Variants in GNAO1 observed in about 807,000 individuals in gnomAD.
GNAO1 encodes guanine nucleotide-binding protein G(o) subunit alpha.
For synonymous variants in GNAO1, 164 were observed against 180.7 expected (o/e 0.91, Z 0.74); for missense variants, 166 against 478.7 (o/e 0.35, Z 6.10).
intron 2 of GNAO1, among the ~76,000 whole-genome samples, chr16:56,244,436 C>A (rs1270655863): frequency 6.6e-6 from 1 of 151,584 alleles, no homozygotes; most frequent in Admixed American, 6.6e-5. Flanking sequence ...TTGCTCTTGG[C>A]TGAAATTACG....
intron 3 of GNAO1, among the ~76,000 whole-genome samples, chr16:56,286,478 T>C (rs565154605): frequency 1.4e-4 from 22 of 152,250 alleles, no homozygotes; most frequent in African/African-American, 5.1e-4. Context: ...CGTCCCTGGC[T>C]TCCCCCATCT....
chr16:56,227,883 A>T (rs540433384), intron 2 of GNAO1, among the ~76,000 whole-genome samples: 1 of 151,920 alleles, frequency 6.6e-6, no homozygotes. Context: ...GTTCAATTTA[A>T]TGGTGTTCTT....
intron 2 of GNAO1, among the ~76,000 whole-genome samples, chr16:56,268,536 A>G (rs116222372): frequency 0.018 from 2,692 of 152,358 alleles, 68 homozygotes; most frequent in African/African-American, 0.055. Context: ...TAGGTTAAAC[A>G]CGAAGTGTCT....
chr16:56,252,485 A>G (rs1280837495), intron 2 of GNAO1, among the ~76,000 whole-genome samples: 1 of 152,250 alleles, frequency 6.6e-6, no homozygotes, highest in African/African-American at 2.4e-5. Flanking sequence ...ACAGAAGCTC[A>G]GTTCTGCCAC....
intron 2 of GNAO1, among the ~76,000 whole-genome samples, chr16:56,212,090 C>G (rs1381593040): frequency 6.7e-6 from 1 of 149,838 alleles, no homozygotes; most frequent in Admixed American, 6.6e-5. Flanking sequence ...CTGAGAAAAA[C>G]CAGGAAGTCC....
chr16:56,267,890 G>A (rs1596831445), intron 2 of GNAO1, among the ~76,000 whole-genome samples: 1 of 135,214 alleles, frequency 7.4e-6, no homozygotes, highest in Non-Finnish European at 1.6e-5. Flanking sequence ...ATATACCCCT[G>A]CCCCCCACCC....
chr16:56,192,788 G>A, intron 2 of GNAO1, 172 bp downstream of exon 2: 5 of 604,048 alleles, frequency 8.3e-6, no homozygotes, highest in South Asian at 7.8e-5. Flanking sequence ...TCCCTACGTT[G>A]GTTCTGGGTC....
At chr16:56,244,367 A>T (rs1441842853) in intron 2 of GNAO1, among the ~76,000 whole-genome samples, 8 of 81,076 alleles carry the variant, frequency 9.9e-5, no homozygotes, top group Non-Finnish European at 1.4e-4. Context: ...CACTTAGCAT[A>T]AAAAAAAAAA....
intron 2 of GNAO1, among the ~76,000 whole-genome samples, chr16:56,225,098 G>T (rs1306766109): frequency 1.3e-5 from 2 of 152,194 alleles, no homozygotes; most frequent in African/African-American, 4.8e-5. Flanking sequence ...ACTTTGCTGT[G>T]CTAGGCTGCC....
intron 2 of GNAO1, among the ~76,000 whole-genome samples, chr16:56,267,291 G>T (rs576311557): frequency 6.6e-6 from 1 of 152,268 alleles, no homozygotes; most frequent in African/African-American, 2.4e-5. Context: ...TTCCCCCATT[G>T]AGTCAGCTTG....
At chr16:56,263,831 C>A (rs567773068) in intron 2 of GNAO1, among the ~76,000 whole-genome samples, 1 of 152,302 alleles carries the variant, frequency 6.6e-6, no homozygotes, top group South Asian at 2.1e-4. Context: ...CTGACCTGTC[C>A]AAGAGGCTGG....
intron 2 of GNAO1, among the ~76,000 whole-genome samples, chr16:56,212,545 AC>A (rs1464884668): frequency 1.3e-5 from 2 of 152,162 alleles, no homozygotes; most frequent in Non-Finnish European, 2.9e-5. Context: ...AAACTAAACG[AC>A]CAGATTTGTC....
intron 2 of GNAO1, among the ~76,000 whole-genome samples, chr16:56,199,993 A>G (rs1458070997): frequency 1.3e-5 from 2 of 152,204 alleles, no homozygotes; most frequent in Non-Finnish European, 2.9e-5. Flanking sequence ...AAGGGAGAAT[A>G]ATACATAAGA....
intron 2 of GNAO1, 65 bp downstream of exon 2, chr16:56,192,681 C>T (rs368535326): frequency 2.1e-6 from 2 of 953,280 alleles, no homozygotes; most frequent in South Asian, 2.6e-5. Context: ...GTTTTTATTA[C>T]ATTGCTTACT....
intron 6 of GNAO1, among the ~76,000 whole-genome samples, chr16:56,348,713 G>A (rs1312543123): frequency 1.3e-5 from 2 of 148,922 alleles, no homozygotes; most frequent in African/African-American, 2.5e-5. Context: ...GCAGCGTGCC[G>A]AGGGAGGGCA....
intron 2 of GNAO1, among the ~76,000 whole-genome samples, chr16:56,266,614 C>T (rs1294399454): frequency 3.9e-5 from 6 of 152,170 alleles, no homozygotes; most frequent in African/African-American, 1.4e-4. Flanking sequence ...TCTAGCCCTG[C>T]TTTGGCACTG....
intron 2 of GNAO1, among the ~76,000 whole-genome samples, chr16:56,261,893 C>T (rs1340359503): frequency 3.9e-5 from 6 of 152,178 alleles, no homozygotes; most frequent in Admixed American, 3.3e-4. Context: ...GCTTCAATGC[C>T]GTCAAGACTC....
chr16:56,301,703 T>C lies in GNAO1; in HGVS notation c.303+25631T>C, dbSNP rs143775022. On this transcript the variant is annotated intron_variant, in intron 3 of 8. Transcript: ENST00000262493. ...TGTTTTATTGTGCTTCTCTTCCCAG[T>C]GGAACACAGCTAAACCATTCTGCCC... 3.2e-4 allele frequency: 49 copies of C among 152,280 alleles called. 1 individual carries two copies. Among genetic ancestry groups the C allele is most frequent in the African/African-American group, 1.2e-3 (48 of 41,546 alleles). The allele number at this position is 152,280 out of a possible 1,614,324, so 9.4% of individuals were successfully genotyped here. A position where few individuals can be genotyped will look rare whatever the true frequency, so the allele number is the denominator to read the frequency against.
intron 6 of GNAO1, chr16:56,346,963 A>C (rs2037876125): frequency 1.0e-6 from 1 of 985,304 alleles, no homozygotes; most frequent in Non-Finnish European, 1.2e-6. Context: ...CCCTGCTCCC[A>C]CCTAACACTC....
Sources: allele counts gnomAD v4.1 joint callset (sites outside exome capture counted in the v4.1 genomes callset), GRCh38; gene constraint gnomAD v4.1.1; transcripts MANE v1.5; gene names NCBI Gene and HGNC (gene_info 2026-07-23, HGNC 2026-07-21).